Variants in MINDY2 observed in about 807,000 individuals in gnomAD.
MINDY2 encodes the protein ubiquitin carboxyl-terminal hydrolase MINDY-2.
MINDY2 carries 52 observed loss-of-function variants against 68.2 expected under a neutral mutation model. The observed-to-expected ratio is 0.76, with a 90% CI of 0.61 to 0.96. The LOEUF (loss-of-function observed/expected upper bound fraction) is 0.96. Among genes scored for constraint, MINDY2 ranks in the 40% least tolerant of loss-of-function variants. MINDY2 has a pLI of 0.00. For missense variants in MINDY2, 881 were observed against 773.4 expected (o/e 1.14, Z -1.65); for synonymous variants, 372 against 303.0 (o/e 1.23, Z -2.36).
At chr15:58,796,375 A>G (rs1194200433) in intron 2 of MINDY2, among the ~76,000 whole-genome samples, 1 of 152,238 alleles carries the variant, frequency 6.6e-6, no homozygotes, top group African/African-American at 2.4e-5. Context: ...GTAAATCTGC[A>G]TGTTGTATAG....
chr15:58,827,092 T>C (rs544129721), intron 5 of MINDY2, among the ~76,000 whole-genome samples: 1 of 152,340 alleles, frequency 6.6e-6, no homozygotes, highest in South Asian at 2.1e-4. Context: ...GTAGGTGACA[T>C]TGTGTCTTTC....
intron 6 of MINDY2, among the ~76,000 whole-genome samples, chr15:58,832,715 C>G (rs1466243070): frequency 7.2e-6 from 1 of 138,498 alleles, no homozygotes; most frequent in Non-Finnish European, 1.6e-5. Flanking sequence ...TTAGTAGAGA[C>G]AGGGTTTCTC....
At chr15:58,797,985 C>A (rs1359564618) in intron 2 of MINDY2, among the ~76,000 whole-genome samples, 2 of 152,220 alleles carry the variant, frequency 1.3e-5, no homozygotes, top group African/African-American at 4.8e-5. Context: ...CTGTCTCCAT[C>A]TGGGCACCTT....
rs137925229 is a variant in MINDY2 at position 58,819,681 on chromosome 15, T to C, written c.1123-2036T>C. Among the ~76,000 whole-genome samples the C allele has an allele frequency of 5.9e-5, 9 of 152,212 alleles. No individual in the cohort carries two copies. The East Asian group carries it at 1.5e-3, about 26-fold the overall frequency. ...CTATATTTTTGTGGATTTCTTAGAA[T>C]TGAAAATTCAGATTATTTGAAAAGA... On this transcript the variant is annotated intron_variant, in intron 4 of 8. Coordinates refer to ENST00000559228, the MANE Select transcript of MINDY2 (RefSeq NM_001040450.3).
intron 2 of MINDY2, among the ~76,000 whole-genome samples, chr15:58,799,578 CAAA>C (rs34347740): frequency 1.1e-4 from 13 of 115,120 alleles, no homozygotes; most frequent in Admixed American, 1.7e-4. Context: ...GACTCCATCT[CAAA>C]AAAAAAAAAA....
At position 58,771,806 on chromosome 15, in the gene MINDY2, C is replaced by T; in HGVS notation, c.411C>T (p.Gly137=). The T allele has an allele frequency of 6.2e-7, 1 of 1,610,010 alleles. No homozygotes were observed. The change falls in exon 1 of 9, where the codon GGC becomes GGT. Residue 137 remains glycine, a synonymous_variant. Coordinates refer to ENST00000559228, the MANE Select transcript of MINDY2 (RefSeq NM_001040450.3). ...GDAGARPDLA[G]TCQAELTAAG... is the part of the protein sequence containing the mutation. ...CGGGAGCCCGCCCGGATCTCGCCGG[C>T]ACCTGCCAAGCAGAACTGACCGCCG...
chr15:58,808,457 T>C (rs950588365), intron 3 of MINDY2, among the ~76,000 whole-genome samples: 31 of 152,210 alleles, frequency 2.0e-4, no homozygotes, highest in Non-Finnish European at 1.2e-4. Flanking sequence ...TTTGGAATTA[T>C]ACAGTATGTA....
At chr15:58,791,620 A>ATGTGTGTGTGTGTGTGTGTGTG (rs1491325995) in intron 2 of MINDY2, among the ~76,000 whole-genome samples, 1 of 80,788 alleles carries the variant, frequency 1.2e-5, no homozygotes, top group African/African-American at 4.8e-5. Context: ...CTGTCTCAAA[A>ATGTGTGTGTGTGTGTGTGTGTG]TATGTGTGTG....
intron 6 of MINDY2, among the ~76,000 whole-genome samples, chr15:58,837,043 A>G (rs1383121077): frequency 6.6e-6 from 1 of 152,178 alleles, no homozygotes; most frequent in Non-Finnish European, 1.5e-5. Flanking sequence ...CCCTAAAGGA[A>G]TACTTTTAAA....
intron 5 of MINDY2, among the ~76,000 whole-genome samples, chr15:58,827,627 C>T (rs1042031192): frequency 2.6e-5 from 4 of 152,066 alleles, no homozygotes; most frequent in Non-Finnish European, 5.9e-5. Flanking sequence ...CCACGGCCGG[C>T]TAATTTTTTT....
intron 3 of MINDY2, among the ~76,000 whole-genome samples, chr15:58,805,738 T>G (rs181437489): frequency 1.3e-5 from 2 of 151,318 alleles, no homozygotes; most frequent in East Asian, 4.0e-4. Flanking sequence ...TTAAAACCCT[T>G]TTAAAATAAG....
Position 58,771,491 on chromosome 15 carries a change from G to C in MINDY2, c.96G>C (p.Glu32Asp), listed in dbSNP as rs769915400. 2 of 1,612,496 alleles carry C rather than the reference G, an allele frequency of 1.2e-6. No homozygotes were observed. The highest frequency in any genetic ancestry group is 1.7e-6 in the Non-Finnish European group (2 of 1,179,822). ...GTGSSQEGLQ[E>D]TRLAAGDGPG... ...GTTCTTCGCAGGAAGGGCTACAGGA[G>C]ACCAGGCTCGCCGCTGGTGATGGTC... The change falls in exon 1 of 9, where the codon GAG (glutamate) becomes GAC (aspartate). Residue 32 changes from glutamate (E) to aspartate (D), a missense_variant. Glu to Asp is a conservative substitution (Grantham distance 45). Transcript: ENST00000559228.
chr15:58,799,461 GGAGGCTGAGGCT>G (rs1259186960), intron 2 of MINDY2, among the ~76,000 whole-genome samples: 2 of 151,948 alleles, frequency 1.3e-5, no homozygotes, highest in African/African-American at 4.8e-5. Flanking sequence ...CAGCTACTTG[GGAGGCTGAGGCT>G]GAGGCTGAGG....
chr15:58,779,479 T>C (rs1416679962), intron 1 of MINDY2, among the ~76,000 whole-genome samples: 2 of 152,206 alleles, frequency 1.3e-5, no homozygotes, highest in African/African-American at 4.8e-5. Flanking sequence ...TGCAGAAACA[T>C]TGTAATCACA....
In MINDY2 at chr15:58,851,970, A is replaced by G; in HGVS notation, c.1737+5A>G. The G allele has an allele frequency of 3.2e-6, 5 of 1,572,524 alleles. No individual in the cohort carries two copies. Among genetic ancestry groups the G allele is most frequent in the Non-Finnish European group, 4.3e-6 (5 of 1,166,446 alleles). ...GCTGCTTCTACACAGGCTCAGGTAA[A>G]AACTAGTGTTTTGAGTCTTAAATGT... On this transcript the variant is annotated splice_donor_5th_base_variant and intron_variant, in intron 8 of 8. Coordinates refer to ENST00000559228, the MANE Select transcript of MINDY2 (RefSeq NM_001040450.3).
intron 2 of MINDY2, among the ~76,000 whole-genome samples, chr15:58,793,366 G>A (rs1432683528): frequency 6.6e-6 from 1 of 151,920 alleles, no homozygotes; most frequent in South Asian, 2.1e-4. Context: ...GAGGAGAATC[G>A]CTTGAACCCA....
chr15:58,826,675 A>C (rs1389308671), intron 5 of MINDY2, among the ~76,000 whole-genome samples: 1 of 152,200 alleles, frequency 6.6e-6, no homozygotes, highest in Non-Finnish European at 1.5e-5. Flanking sequence ...ATTTCAAGCA[A>C]TTTAGCATTG....
chr15:58,849,223 C>T (rs2032693772), intron 7 of MINDY2, among the ~76,000 whole-genome samples: 1 of 148,800 alleles, frequency 6.7e-6, no homozygotes, highest in Non-Finnish European at 1.5e-5. Flanking sequence ...AAAAAAAAGG[C>T]TGGGCACGGT....
At chr15:58,846,127 G>T (rs967760344) in intron 6 of MINDY2, among the ~76,000 whole-genome samples, 20 of 151,446 alleles carry the variant, frequency 1.3e-4, no homozygotes, top group African/African-American at 4.8e-4. Flanking sequence ...GAATGATTGA[G>T]ACCTAGCATT....
Sources: gnomAD v4.1 joint callset for allele counts (sites outside exome capture counted in the v4.1 genomes callset) on GRCh38, gnomAD v4.1.1 for gene constraint, MANE v1.5 for transcripts, NCBI Gene and HGNC (gene_info 2026-07-23, HGNC 2026-07-21) for gene names.